KIAA1671: variants seen among roughly 807,000 people sequenced by gnomAD.
KIAA1671 encodes uncharacterized protein KIAA1671.
A neutral mutation model predicts 131.2 loss-of-function variants in KIAA1671; 52 were observed. That is an observed-to-expected ratio of 0.40 (90% CI 0.32 to 0.50). KIAA1671 has a LOEUF of 0.50. Among genes scored for constraint, KIAA1671 ranks in the 20% least tolerant of loss-of-function variants. The pLI, the probability that KIAA1671 is intolerant of heterozygous loss-of-function variation, is 0.73. For missense variants in KIAA1671, 2,360 were observed against 2,364.2 expected (o/e 1.00, Z 0.04); for synonymous variants, 1,003 against 961.6 (o/e 1.04, Z -0.80).
At chr22:24,971,901 T>G (rs1922634168) in intron 1 of KIAA1671, among the ~76,000 whole-genome samples, 1 of 152,078 alleles carries the variant, frequency 6.6e-6, no homozygotes, top group African/African-American at 2.4e-5. Flanking sequence ...GAGCATGAAC[T>G]TGGGGGTTTC....
At chr22:25,186,883 A>G (rs536211845) in intron 11 of KIAA1671, among the ~76,000 whole-genome samples, 1 of 152,340 alleles carries the variant, frequency 6.6e-6, no homozygotes, top group East Asian at 1.9e-4. Flanking sequence ...CTCCAGAGTC[A>G]GTGGAGGGCT....
chr22:25,029,413 C>T lies in KIAA1671; in HGVS notation c.1414C>T (p.Pro472Ser). 6.4e-7 allele frequency: 1 copy of T among 1,551,416 alleles called. No homozygotes were observed. Among genetic ancestry groups the T allele is most frequent in the Non-Finnish European group, 8.7e-7 (1 of 1,146,868 alleles). ...TPASPSAAPE[P>S]EKGVVSVQER... is the part of the protein sequence containing the mutation. ...TGCGTCCCCATCGGCGGCACCAGAG[C>T]CGGAGAAAGGGGTTGTGAGCGTTCA... is the stretch of plus-strand genomic sequence containing the variant. Residue 472 changes from proline (P) to serine (S), a missense_variant, in exon 3 of 13, where the codon CCG becomes TCG. This residue lies in a region of KIAA1671 where 1,185 missense variants were observed against 1,126.2 expected (regional missense o/e 1.05). Coordinates refer to ENST00000358431, the MANE Select transcript of KIAA1671 (RefSeq NM_001145206.2).
At chr22:25,036,084 T>A (rs1164262680) in intron 4 of KIAA1671, among the ~76,000 whole-genome samples, 20 of 152,208 alleles carry the variant, frequency 1.3e-4, no homozygotes, top group African/African-American at 4.8e-4. Flanking sequence ...TTTATTTATT[T>A]ATTTATTTTT....
intron 4 of KIAA1671, among the ~76,000 whole-genome samples, chr22:25,033,805 C>T (rs1265824113): frequency 4.6e-5 from 7 of 151,904 alleles, no homozygotes; most frequent in Admixed American, 3.3e-4. Context: ...TGGTCTCGAT[C>T]TCCTGACCTC....
At chr22:24,962,080 G>A (rs967137471) in intron 1 of KIAA1671, among the ~76,000 whole-genome samples, 34 of 152,216 alleles carry the variant, frequency 2.2e-4, no homozygotes, top group African/African-American at 8.2e-4. Flanking sequence ...GAGGCGAGAT[G>A]GGAAATGAGG....
intron 1 of KIAA1671, among the ~76,000 whole-genome samples, chr22:25,006,092 C>T (rs1044572138): frequency 6.6e-6 from 1 of 152,122 alleles, no homozygotes; most frequent in Non-Finnish European, 1.5e-5. Context: ...AGTGCAATGG[C>T]GTGATCTTGG....
intron 5 of KIAA1671, among the ~76,000 whole-genome samples, chr22:25,047,258 C>T (rs780176315): frequency 1.1e-4 from 16 of 149,740 alleles, no homozygotes; most frequent in Non-Finnish European, 2.4e-4. Flanking sequence ...TCAAGCAATT[C>T]GCCTGCCTCA....
At chr22:25,190,035 G>A (rs1601397779) in intron 11 of KIAA1671, among the ~76,000 whole-genome samples, 1 of 152,162 alleles carries the variant, frequency 6.6e-6, no homozygotes, top group East Asian at 1.9e-4. Context: ...CCACAGACCA[G>A]GGGTATAGGG....
chr22:25,186,676 A>G (rs907283196), intron 11 of KIAA1671, among the ~76,000 whole-genome samples: 5 of 152,252 alleles, frequency 3.3e-5, no homozygotes, highest in African/African-American at 1.2e-4. Flanking sequence ...TAGCTGGACC[A>G]CGGGCAGTGA....
At chr22:25,180,826 C>G (rs1316018935) in intron 9 of KIAA1671, among the ~76,000 whole-genome samples, 2 of 152,228 alleles carry the variant, frequency 1.3e-5, no homozygotes, top group Admixed American at 6.5e-5. Context: ...GGTGAGACCT[C>G]TCTGCACTTT....
At chr22:25,085,279 G>A (rs1221148556) in intron 6 of KIAA1671, among the ~76,000 whole-genome samples, 1 of 152,226 alleles carries the variant, frequency 6.6e-6, no homozygotes, top group Non-Finnish European at 1.5e-5. Flanking sequence ...TGGCCTGGGA[G>A]GGCAGAGGAG....
chr22:24,996,187 G>C (rs1924125155), intron 1 of KIAA1671, among the ~76,000 whole-genome samples: 1 of 151,852 alleles, frequency 6.6e-6, no homozygotes, highest in African/African-American at 2.4e-5. Flanking sequence ...GCTATGCTAA[G>C]AGCTGGTGAT....
chr22:24,958,195 C>G (rs560675710), intron 1 of KIAA1671, among the ~76,000 whole-genome samples: 33 of 152,122 alleles, frequency 2.2e-4, no homozygotes, highest in African/African-American at 7.5e-4. Context: ...GTGCTTCTGC[C>G]TAGTCTCACT....
At chr22:25,188,490 G>A (rs1218946941) in intron 11 of KIAA1671, among the ~76,000 whole-genome samples, 1 of 135,784 alleles carries the variant, frequency 7.4e-6, no homozygotes, top group Admixed American at 7.3e-5. Flanking sequence ...GTGTGTGTGT[G>A]TGTAAATAAT....
At chr22:24,975,194 C>A (rs933322755) in intron 1 of KIAA1671, among the ~76,000 whole-genome samples, 1 of 152,146 alleles carries the variant, frequency 6.6e-6, no homozygotes, top group African/African-American at 2.4e-5. Context: ...TGGATTTGCC[C>A]GTTCTGGACA....
intron 6 of KIAA1671, among the ~76,000 whole-genome samples, chr22:25,105,894 G>A (rs543727446): frequency 3.3e-5 from 5 of 151,698 alleles, no homozygotes; most frequent in African/African-American, 7.3e-5. Flanking sequence ...TCTTTCTGCC[G>A]TGGTTTTTCC....
At chr22:24,974,945 C>G (rs1922840070) in intron 1 of KIAA1671, among the ~76,000 whole-genome samples, 1 of 152,114 alleles carries the variant, frequency 6.6e-6, no homozygotes, top group Non-Finnish European at 1.5e-5. Context: ...CCATCCGCCT[C>G]GGCCTCCCAA....
chr22:25,184,876 C>A, intron 10 of KIAA1671, 101 bp from the exon 11 acceptor site: 16 of 1,414,018 alleles, frequency 1.1e-5, no homozygotes, highest in Non-Finnish European at 1.6e-5. Context: ...CAGGGGGCCC[C>A]GAGTGTTTGC....
In KIAA1671 at chr22:25,156,012, C is replaced by CTTTTTTTTTTT. The variant is rs57822676; in HGVS notation, c.4531-14791_4531-14781dup. On this transcript the variant is annotated intron_variant, in intron 6 of 12. Transcript: ENST00000358431. ...TTTTGTGCATGTATGTGTGTATGTG[C>CTTTTTTTTTTT]TTTTTTTTTTTTTTTTTTTTTTTTT... Among the ~76,000 whole-genome samples the CTTTTTTTTTTT allele has an allele frequency of 6.8e-4, 24 of 35,344 alleles. 8 individuals carry two copies. Among genetic ancestry groups the CTTTTTTTTTTT allele is most frequent in the Non-Finnish European group, 1.1e-3 (17 of 15,020 alleles). The allele number at this position is 35,344 out of a possible 152,430, so 23.2% of individuals were successfully genotyped here.
Sources: gnomAD v4.1 joint callset for allele counts (sites outside exome capture counted in the v4.1 genomes callset) on GRCh38, gnomAD v4.1.1 for gene constraint, gnomAD v4.1.1 regional missense constraint, MANE v1.5 for transcripts, NCBI Gene and HGNC (gene_info 2026-07-23, HGNC 2026-07-21) for gene names.